Variants in NOS1AP observed in about 807,000 individuals in gnomAD.
The protein encoded by NOS1AP is nitric oxide synthase 1 adaptor protein, also known as carboxyl-terminal PDZ ligand of neuronal nitric oxide synthase protein.
NOS1AP carries 21 observed loss-of-function variants against 56.2 expected under a neutral mutation model. That is an observed-to-expected ratio of 0.37 (90% CI 0.26 to 0.54). The LOEUF (loss-of-function observed/expected upper bound fraction) is 0.54. NOS1AP is among the 20% of genes least tolerant of loss of function. NOS1AP has a pLI of 0.84. For missense variants in NOS1AP, 522 were observed against 657.8 expected, an observed-to-expected ratio of 0.79 and a Z score of 2.26; for synonymous variants, 270 against 274.6, an observed-to-expected ratio of 0.98 and a Z score of 0.17.
At chr1:162,126,962 A>T (rs1648516319) in intron 1 of NOS1AP, among the ~76,000 whole-genome samples, 1 of 152,070 alleles carries the variant, frequency 6.6e-6, no homozygotes, top group Non-Finnish European at 1.5e-5. Flanking sequence ...TCAAACTTGG[A>T]TTTTTACTTA....
intron 3 of NOS1AP, among the ~76,000 whole-genome samples, chr1:162,290,831 C>A (rs1655263606): frequency 6.6e-6 from 1 of 152,118 alleles, no homozygotes; most frequent in Non-Finnish European, 1.5e-5. Context: ...CTGGCTCTAC[C>A]CTTCTTGGCC....
At chr1:162,333,525 T>C (rs1233293594) in intron 5 of NOS1AP, among the ~76,000 whole-genome samples, 1 of 152,202 alleles carries the variant, frequency 6.6e-6, no homozygotes, top group African/African-American at 2.4e-5. Flanking sequence ...CAGTGTGTGA[T>C]ATTGGTTATC....
At position 162,239,487 on chromosome 1, in the gene NOS1AP, A is replaced by G. The variant is rs528725305; in HGVS notation, c.178-47857A>G. 8.5e-5 allele frequency among the ~76,000 whole-genome samples: 13 copies of G among 152,318 alleles called. No homozygotes were observed. In the South Asian group the frequency reaches 1.7e-3, roughly 19 times the overall value. On this transcript the variant is annotated intron_variant, in intron 2 of 9. Coordinates refer to ENST00000361897, the MANE Select transcript of NOS1AP (RefSeq NM_014697.3). ...CCAAAAGGATTCCTTTGTTGTTCCA[A>G]TGGTCAGATCCTGTGAAGACTGAGA...
chr1:162,356,030 A>G (rs997818648), intron 7 of NOS1AP, among the ~76,000 whole-genome samples: 1 of 152,204 alleles, frequency 6.6e-6, no homozygotes, highest in Non-Finnish European at 1.5e-5. Context: ...TTAGATTCCC[A>G]GGCGGTTTAT....
intron 3 of NOS1AP, among the ~76,000 whole-genome samples, chr1:162,292,773 T>C (rs1218256378): frequency 6.6e-6 from 1 of 152,194 alleles, no homozygotes; most frequent in African/African-American, 2.4e-5. Flanking sequence ...GCCCAAACAG[T>C]AGTGCTGGTT....
At chr1:162,282,264 G>T (rs554431081) in intron 2 of NOS1AP, among the ~76,000 whole-genome samples, 2 of 152,050 alleles carry the variant, frequency 1.3e-5, no homozygotes, top group South Asian at 4.2e-4. Flanking sequence ...TTCCCCTTCT[G>T]CTCAGCCCCT....
At chr1:162,289,386 C>T (rs1421633164) in intron 3 of NOS1AP, among the ~76,000 whole-genome samples, 2 of 151,710 alleles carry the variant, frequency 1.3e-5, no homozygotes, top group South Asian at 2.1e-4. Context: ...CAACCTCCAC[C>T]CCCTGAGTTC....
chr1:162,197,621 A>G (rs1251952750), intron 2 of NOS1AP, among the ~76,000 whole-genome samples: 1 of 152,210 alleles, frequency 6.6e-6, no homozygotes, highest in Non-Finnish European at 1.5e-5. Flanking sequence ...AAGTAAGGCA[A>G]TTCAGGGTTC....
chr1:162,366,192 C>T (rs530538020), intron 9 of NOS1AP, among the ~76,000 whole-genome samples: 1 of 152,130 alleles, frequency 6.6e-6, no homozygotes, highest in Non-Finnish European at 1.5e-5. Context: ...CACATTTTCA[C>T]GCCTTCCTCT....
intron 1 of NOS1AP, among the ~76,000 whole-genome samples, chr1:162,134,379 G>A (rs1207090136): frequency 1.3e-5 from 2 of 151,640 alleles, no homozygotes; most frequent in African/African-American, 4.8e-5. Flanking sequence ...TCCAGCTACT[G>A]GGGAGGCTGA....
intron 2 of NOS1AP, among the ~76,000 whole-genome samples, chr1:162,189,903 T>G (rs1322564927): frequency 1.3e-5 from 2 of 151,996 alleles, no homozygotes; most frequent in Admixed American, 1.3e-4. Flanking sequence ...GATCAGCAGG[T>G]ACAAGATTGG....
intron 4 of NOS1AP, among the ~76,000 whole-genome samples, chr1:162,320,075 C>G (rs938095733): frequency 6.6e-6 from 1 of 152,126 alleles, no homozygotes; most frequent in African/African-American, 2.4e-5. Context: ...GTCTGTACCC[C>G]CTGAGCTCCT....
intron 1 of NOS1AP, among the ~76,000 whole-genome samples, chr1:162,091,492 T>C (rs1692129988): frequency 6.6e-6 from 1 of 152,240 alleles, no homozygotes; most frequent in African/African-American, 2.4e-5. Flanking sequence ...GCTCTGTTTA[T>C]TTTTTGTAGA....
At chr1:162,296,627 G>A (rs1365727442) in intron 3 of NOS1AP, among the ~76,000 whole-genome samples, 1 of 152,126 alleles carries the variant, frequency 6.6e-6, no homozygotes, top group Non-Finnish European at 1.5e-5. Context: ...ATTAACCCAA[G>A]GGGCCCTGGG....
At chr1:162,194,721 G>C (rs1029392968) in intron 2 of NOS1AP, among the ~76,000 whole-genome samples, 1 of 152,100 alleles carries the variant, frequency 6.6e-6, no homozygotes, top group African/African-American at 2.4e-5. Context: ...ACAGTGTCTC[G>C]CCAACAGCCC....
At chr1:162,133,057 C>T (rs1002425978) in intron 1 of NOS1AP, among the ~76,000 whole-genome samples, 20 of 152,152 alleles carry the variant, frequency 1.3e-4, no homozygotes, top group African/African-American at 4.3e-4. Flanking sequence ...TGCAATATCA[C>T]GTGTTGGCTG....
chr1:162,249,320 G>A (rs989800433), intron 2 of NOS1AP, among the ~76,000 whole-genome samples: 4 of 152,130 alleles, frequency 2.6e-5, no homozygotes, highest in Non-Finnish European at 5.9e-5. Flanking sequence ...ACTCAGCCAG[G>A]CTCCCACAGT....
At chr1:162,177,513 A>G (rs1344754289) in intron 2 of NOS1AP, among the ~76,000 whole-genome samples, 1 of 152,168 alleles carries the variant, frequency 6.6e-6, no homozygotes, top group Non-Finnish European at 1.5e-5. Flanking sequence ...GTCTGGGGTC[A>G]GTGTAGCTCA....
At chr1:162,244,873 T>A (rs1653609454) in intron 2 of NOS1AP, among the ~76,000 whole-genome samples, 1 of 152,166 alleles carries the variant, frequency 6.6e-6, no homozygotes, top group Non-Finnish European at 1.5e-5. Context: ...AGAGAAGAAA[T>A]GGGCTTATGT....
Sources: allele counts gnomAD v4.1 joint callset (sites outside exome capture counted in the v4.1 genomes callset), GRCh38; gene constraint gnomAD v4.1.1; transcripts MANE v1.5; gene names NCBI Gene and HGNC (gene_info 2026-07-23, HGNC 2026-07-21).